The following ANK1 variants were observed in gnomAD, a reference collection of about 807,000 sequenced individuals.
ANK1 encodes ankyrin 1, also known as ankyrin-1.
A neutral mutation model predicts 210.4 loss-of-function variants in ANK1; 51 were observed. The ratio of observed to expected loss-of-function variants is 0.24; its 90% CI spans 0.19 to 0.31. The LOEUF is 0.31. Among genes scored for constraint, ANK1 ranks in the 10% least tolerant of loss-of-function variants. The pLI, the probability that ANK1 is intolerant of heterozygous loss-of-function variation, is 1.00. For synonymous variants in ANK1, 967 were observed against 1,025.9 expected, an observed-to-expected ratio of 0.94 and a Z score of 1.10; for missense variants, 2,051 against 2,504.4, an observed-to-expected ratio of 0.82 and a Z score of 3.86.
intron 1 of ANK1, among the ~76,000 whole-genome samples, chr8:41,775,777 C>G (rs1405337521): frequency 6.6e-6 from 1 of 152,104 alleles, no homozygotes; most frequent in African/African-American, 2.4e-5. Context: ...GTCCCAGCTA[C>G]CCGGGAGGCT....
intron 1 of ANK1, among the ~76,000 whole-genome samples, chr8:41,896,029 A>G (rs546433030): frequency 1.3e-5 from 2 of 152,206 alleles, no homozygotes; most frequent in South Asian, 4.1e-4. Context: ...CAAGGCCGGG[A>G]AAGTTGGTCC....
intron 29 of ANK1, among the ~76,000 whole-genome samples, chr8:41,693,588 C>G (rs1377756074): frequency 1.3e-5 from 2 of 151,970 alleles, no homozygotes; most frequent in African/African-American, 4.8e-5. Context: ...CAGGTGCATG[C>G]CACCATGCCT....
In ANK1 at chr8:41,725,757, T is replaced by G; in HGVS notation, c.612+4A>C. 6.2e-7 allele frequency: 1 copy of G among 1,609,234 alleles called. No individual in the cohort carries two copies. The highest frequency in any genetic ancestry group is 8.5e-7 in the Non-Finnish European group (1 of 1,179,330). ...CAAGGCTCCTCCCTCCTCCTCGCCC[T>G]CACCTTGGAAAGCACGTCCGGGTTG... is the stretch of plus-strand genomic sequence containing the variant. On this transcript the variant is annotated splice_donor_region_variant and intron_variant, in intron 6 of 42. Transcript: ENST00000289734.
intron 1 of ANK1, among the ~76,000 whole-genome samples, chr8:41,890,145 T>C (rs1183675198): frequency 6.6e-6 from 1 of 152,222 alleles, no homozygotes; most frequent in Non-Finnish European, 1.5e-5. Flanking sequence ...CTCCATTAAA[T>C]ATATGGGAGT....
At chr8:41,891,545 G>A (rs1252373035) in intron 1 of ANK1, among the ~76,000 whole-genome samples, 1 of 152,214 alleles carries the variant, frequency 6.6e-6, no homozygotes, top group African/African-American at 2.4e-5. Context: ...AAAATTCAGA[G>A]TGTAACATCT....
Position 41,690,479 on chromosome 8 carries a change from C to A in ANK1, c.3979G>T (p.Val1327Leu). Residue 1327 changes from valine (V) to leucine (L), a missense_variant, in exon 32 of 43, where the codon GTA becomes TTA. Val to Leu is a conservative substitution (Grantham distance 32). Transcript: ENST00000289734. Reference sequence around the variant, plus strand: ...CAGCCAGAGGGTGCCGGCACCTTTACAGGCATGGCCAGACGGTTCTCCCGA... The same window carrying A: ...CAGCCAGAGGGTGCCGGCACCTTTAAAGGCATGGCCAGACGGTTCTCCCGA... Reference protein sequence around the residue: ...SFRENRLAMPVKVRDSSREPG... With the variant: ...SFRENRLAMPLKVRDSSREPG... 6.2e-7 allele frequency: 1 copy of A among 1,614,214 alleles called. No homozygotes were observed. Among genetic ancestry groups the A allele is most frequent in the Non-Finnish European group, 8.5e-7 (1 of 1,180,030 alleles).
At chr8:41,831,771 G>A (rs760244001) in intron 1 of ANK1, among the ~76,000 whole-genome samples, 1 of 152,026 alleles carries the variant, frequency 6.6e-6, no homozygotes, top group Non-Finnish European at 1.5e-5. Flanking sequence ...ATTTATCACC[G>A]CCCCAGACTG....
intron 1 of ANK1, among the ~76,000 whole-genome samples, chr8:41,885,396 A>AT (rs1428831727): frequency 6.6e-6 from 1 of 152,202 alleles, no homozygotes; most frequent in Non-Finnish European, 1.5e-5. Context: ...AGAAGACAAT[A>AT]TTTTTTTGAA....
chr8:41,871,390 G>A lies in ANK1; in HGVS notation c.126+24965C>T, dbSNP rs537480270. ...CAGCATGATCACAGCTCACTGCAGCGTCAAACTCCTGGGTTCAAGCCATCC... is the reference window on the plus strand; with the variant it reads ...CAGCATGATCACAGCTCACTGCAGCATCAAACTCCTGGGTTCAAGCCATCC... On this transcript the variant is annotated intron_variant, in intron 1 of 42. Coordinates refer to the ANK1 transcript ENST00000265709. Among the ~76,000 whole-genome samples the A allele has an allele frequency of 1.4e-4, 21 of 152,240 alleles. No individual in the cohort carries two copies. In the South Asian group the frequency reaches 2.5e-3, roughly 18 times the overall value.
At position 41,723,228 on chromosome 8, in the gene ANK1, A is replaced by G; in HGVS notation, c.811-5T>C. 1 of 1,614,104 alleles carries G rather than the reference A, an allele frequency of 6.2e-7. No individual in the cohort carries two copies. The highest frequency in any genetic ancestry group is 2.2e-5 in the East Asian group (1 of 44,884). Reference sequence around the variant, plus strand: ...GTGGAGAGGTGTCAATTCGTCCTTTAAAAGACAGAGTCAAAAACAGAAAGC... The same window carrying G: ...GTGGAGAGGTGTCAATTCGTCCTTTGAAAGACAGAGTCAAAAACAGAAAGC... On this transcript the variant is annotated splice_polypyrimidine_tract_variant and splice_region_variant and intron_variant, in intron 8 of 42. Transcript: ENST00000289734.
intron 3 of ANK1, 142 bp downstream of exon 3, chr8:41,733,829 T>C: frequency 1.4e-6 from 1 of 736,344 alleles, no homozygotes; most frequent in African/African-American, 1.7e-5. Flanking sequence ...GCTTCAGGGA[T>C]TCAGAGAACT....
intron 1 of ANK1, among the ~76,000 whole-genome samples, chr8:41,789,591 T>C (rs1050386377): frequency 1.3e-5 from 2 of 152,230 alleles, no homozygotes; most frequent in African/African-American, 4.8e-5. Context: ...CGAGTTCACC[T>C]GCACCAGGCA....
intron 5 of ANK1, among the ~76,000 whole-genome samples, 183 bp from the exon 6 acceptor site, chr8:41,726,129 C>T (rs959995025): frequency 6.6e-6 from 1 of 152,240 alleles, no homozygotes; most frequent in Non-Finnish European, 1.5e-5. Context: ...TGAAGCCCTT[C>T]CTGCCTCCAC....
At chr8:41,664,112 C>T (rs780053925) in intron 39 of ANK1, 7 of 463,062 alleles carry the variant, frequency 1.5e-5, no homozygotes, top group South Asian at 7.7e-5. Context: ...AAAAGCCCTT[C>T]GACAGGCAGC....
chr8:41,780,707 CGTGTGCCTGT>C (rs1290388399), intron 1 of ANK1, among the ~76,000 whole-genome samples: 2 of 152,144 alleles, frequency 1.3e-5, no homozygotes, highest in Non-Finnish European at 2.9e-5. Flanking sequence ...TGTGTGTGCA[CGTGTGCCTGT>C]GTGTGCATGC....
At chr8:41,870,544 C>T (rs573433527) in intron 1 of ANK1, among the ~76,000 whole-genome samples, 2 of 152,294 alleles carry the variant, frequency 1.3e-5, no homozygotes, top group Non-Finnish European at 2.9e-5. Context: ...AAGCTCTAGC[C>T]CCATGGATCA....
At chr8:41,812,173 T>A (rs552983945) in intron 1 of ANK1, among the ~76,000 whole-genome samples, 2 of 152,342 alleles carry the variant, frequency 1.3e-5, no homozygotes, top group South Asian at 4.1e-4. Context: ...CCAACCCAAA[T>A]ATCTTCATTT....
chr8:41,699,340 C>T (rs1822009685), intron 23 of ANK1, 112 bp downstream of exon 23: 3 of 980,820 alleles, frequency 3.1e-6, no homozygotes, highest in South Asian at 1.3e-5. Flanking sequence ...TCTCTGCGGG[C>T]AGCGAGCCCA....
At chr8:41,845,246 A>G (rs527262849) in intron 1 of ANK1, among the ~76,000 whole-genome samples, 43 of 152,100 alleles carry the variant, frequency 2.8e-4, no homozygotes, top group Middle Eastern at 3.4e-3. Flanking sequence ...TTAGCCGGGC[A>G]TGGTGGCGTG....
Sources: allele counts gnomAD v4.1 joint callset (sites outside exome capture counted in the v4.1 genomes callset), GRCh38; gene constraint gnomAD v4.1.1; transcripts MANE v1.5; gene names NCBI Gene and HGNC (gene_info 2026-07-23, HGNC 2026-07-21).